TENM3: variants seen among roughly 807,000 people sequenced by gnomAD.
TENM3 encodes the protein teneurin-3.
TENM3 carries 63 observed loss-of-function variants against 255.1 expected under a neutral mutation model. The observed-to-expected ratio is 0.25, with a 90% CI of 0.20 to 0.30. The LOEUF (loss-of-function observed/expected upper bound fraction) is 0.30, where lower values mean the gene tolerates loss of function less well. Ranked by LOEUF, TENM3 falls within the 10% of genes least tolerant of loss-of-function variation. The probability of loss-of-function intolerance (pLI) is 1.00; values close to 1 mark genes in which losing one functional copy is unlikely to be tolerated. For missense variants in TENM3, 2,929 were observed against 3,461.1 expected (o/e 0.85, Z 3.86); for synonymous variants, 1,306 against 1,322.3 (o/e 0.99, Z 0.27).
intron 3 of TENM3, among the ~76,000 whole-genome samples, chr4:182,515,450 A>G (rs1246017057): frequency 6.6e-6 from 1 of 152,194 alleles, no homozygotes; most frequent in Admixed American, 6.5e-5. Context: ...TTAGCTTAGA[A>G]ATGGACAGCC....
chr4:181,732,219 G>A, the TENM3 span, among the ~76,000 whole-genome samples: 1 of 152,194 alleles, frequency 6.6e-6, no homozygotes, highest in African/African-American at 2.4e-5. Context: ...GGAGCTAGAA[G>A]GATAGATGCA....
the TENM3 span, among the ~76,000 whole-genome samples, chr4:181,537,475 G>A: frequency 6.6e-6 from 1 of 152,154 alleles, no homozygotes; most frequent in Non-Finnish European, 1.5e-5. Flanking sequence ...ATAAGGGTTA[G>A]TCTGAGTTAA....
chr4:182,338,083 G>T (rs28609445), intron 2 of TENM3, among the ~76,000 whole-genome samples: 59,930 of 151,898 alleles, frequency 0.39, 12,728 homozygotes, highest in East Asian at 0.5. Flanking sequence ...ATCTATGTAT[G>T]TCACTGCCTA....
At chr4:182,580,293 G>A (rs907325464) in intron 3 of TENM3, among the ~76,000 whole-genome samples, 10 of 151,926 alleles carry the variant, frequency 6.6e-5, no homozygotes, top group Admixed American at 5.9e-4. Flanking sequence ...ACTCTTTTCT[G>A]TATTCTAAAT....
chr4:182,198,416 G>A (rs1409744155), intron 1 of TENM3, among the ~76,000 whole-genome samples: 4 of 152,224 alleles, frequency 2.6e-5, no homozygotes, highest in Non-Finnish European at 4.4e-5. Flanking sequence ...AACTCAAGGC[G>A]GTGAGAAAGA....
the TENM3 span, among the ~76,000 whole-genome samples, chr4:182,072,160 C>T: frequency 6.6e-6 from 1 of 152,184 alleles, no homozygotes; most frequent in Non-Finnish European, 1.5e-5. Context: ...TGCTTAACTG[C>T]CTTGTGGGAT....
chr4:182,122,103 A>T, the TENM3 span, among the ~76,000 whole-genome samples: 2 of 152,208 alleles, frequency 1.3e-5, no homozygotes, highest in African/African-American at 4.8e-5. Context: ...TTCAAGTTTG[A>T]TCATGAGATT....
rs370269435 is a variant in TENM3, at chr4:182,737,062, A to G, written c.3222A>G (p.Leu1074=). 563 of 1,612,688 alleles carry G rather than the reference A, an allele frequency of 3.5e-4. 2 individuals carry two copies. Among genetic ancestry groups the G allele is most frequent in the Non-Finnish European group, 3.4e-4 (406 of 1,179,332 alleles). Residue 1074 remains leucine, a synonymous_variant, in exon 17 of 28, where the codon CTA becomes CTG. Coordinates refer to ENST00000511685, the MANE Select transcript of TENM3 (RefSeq NM_001080477.4). ...CATATAATCAGAAAGTCTATGGTCT[A>G]TCTGAAGCTGTTGGTAAGTTCCATA... ...TDAYNQKVYG[L]SEAVVSVGYE...
the TENM3 span, among the ~76,000 whole-genome samples, chr4:181,665,400 G>A: frequency 5.9e-5 from 9 of 152,046 alleles, no homozygotes; most frequent in Non-Finnish European, 1.2e-4. Context: ...GAAATATTCT[G>A]TGCCATCCTT....
chr4:181,981,044 C>G, the TENM3 span, among the ~76,000 whole-genome samples: 5 of 152,118 alleles, frequency 3.3e-5, no homozygotes, highest in Admixed American at 2.0e-4. Context: ...CTCCAACACC[C>G]CCATGCGTGC....
chr4:181,447,970 C>T, the TENM3 span, among the ~76,000 whole-genome samples: 1 of 151,930 alleles, frequency 6.6e-6, no homozygotes, highest in Non-Finnish European at 1.5e-5. Context: ...ATCTTGCTGT[C>T]TCTGTCTTTG....
the TENM3 span, among the ~76,000 whole-genome samples, chr4:182,046,952 T>C: frequency 2.3e-4 from 35 of 152,178 alleles, no homozygotes; most frequent in Non-Finnish European, 4.7e-4. Flanking sequence ...AATTCAAGCA[T>C]AGCAGATCCT....
the TENM3 span, among the ~76,000 whole-genome samples, chr4:181,677,013 A>G: frequency 7.9e-6 from 1 of 126,768 alleles, no homozygotes; most frequent in Admixed American, 9.0e-5. Flanking sequence ...TTTCTCATTG[A>G]CTATTCCTGC....
At chr4:182,325,208 G>A (rs1022981856) in intron 2 of TENM3, among the ~76,000 whole-genome samples, 6 of 152,168 alleles carry the variant, frequency 3.9e-5, no homozygotes, top group African/African-American at 7.2e-5. Flanking sequence ...TCCAATCACC[G>A]TACAGACAGT....
chr4:181,597,010 AC>A, the TENM3 span, among the ~76,000 whole-genome samples: 3 of 151,902 alleles, frequency 2.0e-5, no homozygotes, highest in Non-Finnish European at 4.4e-5. Context: ...TGTACAGCAA[AC>A]CCCATGATAC....
At chr4:181,833,849 A>C in the TENM3 span, among the ~76,000 whole-genome samples, 1 of 152,180 alleles carries the variant, frequency 6.6e-6, no homozygotes, top group African/African-American at 2.4e-5. Context: ...CTCAAGGACA[A>C]GGGGTGTCCT....
chr4:181,644,662 T>C, the TENM3 span, among the ~76,000 whole-genome samples: 1,594 of 152,134 alleles, frequency 0.01, 29 homozygotes, highest in African/African-American at 0.037. Context: ...TGTAGGCTGA[T>C]CTATTTCATC....
chr4:181,605,482 GAAAGAAAGAAAGAAAGAAAGAAAGAA>G, the TENM3 span, among the ~76,000 whole-genome samples: 1 of 6,836 alleles, frequency 1.5e-4, no homozygotes, highest in African/African-American at 4.7e-4. Flanking sequence ...GAGAAACAGA[GAAAGAAAGAAAGAAAGAAAGAAAGAA>G]AGAAAGAAAG....
chr4:181,977,017 A>G, the TENM3 span, among the ~76,000 whole-genome samples: 139,848 of 152,276 alleles, frequency 0.92, 64,508 homozygotes, highest in Non-Finnish European at 0.96. Flanking sequence ...AAGAGAATGC[A>G]CCCCTCCTTT....
Sources: gnomAD v4.1 joint callset for allele counts (sites outside exome capture counted in the v4.1 genomes callset) on GRCh38, gnomAD v4.1.1 for gene constraint, MANE v1.5 for transcripts, NCBI Gene and HGNC (gene_info 2026-07-23, HGNC 2026-07-21) for gene names.